The following C20orf203 variants were observed in gnomAD, a reference collection of about 807,000 sequenced individuals.
C20orf203 encodes chromosome 20 open reading frame 203, also known as uncharacterized protein C20orf203.
In C20orf203, 16 loss-of-function variants were observed where a neutral mutation model predicts 15.9. The ratio of observed to expected loss-of-function variants is 1.01; its 90% CI spans 0.68 to 1.53. The LOEUF (loss-of-function observed/expected upper bound fraction) is 1.53, where lower values mean the gene tolerates loss of function less well. Among genes scored for constraint, C20orf203 ranks in the 40% most tolerant of loss-of-function variants. The pLI, the probability that C20orf203 is intolerant of heterozygous loss-of-function variation, is 0.00. For synonymous variants in C20orf203, 98 were observed against 97.2 expected (o/e 1.01, Z -0.05); for missense variants, 263 against 247.5 (o/e 1.06, Z -0.42).
chr20:32,645,091 G>A (rs905376841), intron 4 of C20orf203, among the ~76,000 whole-genome samples: 3 of 152,054 alleles, frequency 2.0e-5, no homozygotes, highest in African/African-American at 7.3e-5. Context: ...GGAATTGGTT[G>A]GGGGGCTAAT....
At chr20:32,659,297 C>T (rs748366037) in intron 1 of C20orf203, among the ~76,000 whole-genome samples, 3 of 152,168 alleles carry the variant, frequency 2.0e-5, no homozygotes, top group Non-Finnish European at 2.9e-5. Flanking sequence ...TGTTTCTGGC[C>T]GTACAATTCA....
intron 5 of C20orf203, among the ~76,000 whole-genome samples, chr20:32,635,938 G>A (rs192014226): frequency 7.2e-5 from 11 of 152,224 alleles, no homozygotes; most frequent in East Asian, 1.9e-4. Context: ...ATGACGTGTC[G>A]TCCTCCCATC....
At chr20:32,651,220 G>C in intron 2 of C20orf203, 54 bp from the exon 3 acceptor site, 1 of 485,504 alleles carries the variant, frequency 2.1e-6, no homozygotes, top group Non-Finnish European at 3.6e-6. Context: ...GCTTGCGCCT[G>C]AGGGTTCAGC....
intron 1 of C20orf203, among the ~76,000 whole-genome samples, chr20:32,671,029 A>C (rs1438267509): frequency 6.7e-6 from 1 of 150,060 alleles, no homozygotes; most frequent in Non-Finnish European, 1.5e-5. Flanking sequence ...AAAAAAAAAA[A>C]CAACAGTGTT....
intron 1 of C20orf203, among the ~76,000 whole-genome samples, chr20:32,666,155 TAAAAAAA>T (rs147487671): frequency 4.9e-5 from 5 of 102,776 alleles, no homozygotes; most frequent in South Asian, 3.6e-4. Context: ...ATAAATAAAG[TAAAAAAA>T]AAAAAAAAAA....
Position 32,666,411 on chromosome 20 carries a change from G to C in C20orf203, c.-264+7221C>G, listed in dbSNP as rs1983026110. On this transcript the variant is annotated intron_variant, in intron 1 of 5. Coordinates refer to ENST00000608990, the MANE Select transcript of C20orf203 (RefSeq NM_182584.4). ...GAGCTCAGGAGGTTGAGGCTGCAGT[G>C]AGCCAAGATCGTGCCACTGCACTCC... 2.6e-5 allele frequency among the ~76,000 whole-genome samples: 4 copies of C among 151,434 alleles called. No homozygotes were observed. In the South Asian group the frequency reaches 8.3e-4, roughly 32 times the overall value.
rs564731743 is a variant in C20orf203 at position 32,672,911 on chromosome 20, T to C, written c.-264+721A>G. On this transcript the variant is annotated intron_variant, in intron 1 of 5. Transcript: ENST00000608990. ...CCCCTGCATCTAAACAGACCCAGCA[T>C]AGGAGAGGGGCCTGGTGAAGATGGC... Among the ~76,000 whole-genome samples the C allele has an allele frequency of 4.6e-5, 7 of 152,186 alleles. No homozygotes were observed. The South Asian group carries it at 1.2e-3, about 27-fold the overall frequency.
intron 1 of C20orf203, among the ~76,000 whole-genome samples, chr20:32,661,484 C>T (rs1982890355): frequency 6.6e-6 from 1 of 152,174 alleles, no homozygotes; most frequent in Non-Finnish European, 1.5e-5. Context: ...AGCCCTGGCC[C>T]TCCAGAAACC....
At chr20:32,653,014 C>T (rs141377946) in intron 1 of C20orf203, among the ~76,000 whole-genome samples, 3,218 of 152,308 alleles carry the variant, frequency 0.021, 125 homozygotes, top group African/African-American at 0.072. Context: ...CAAGCACAGC[C>T]AGCAGCTCCT....
rs1199671453 is a variant in C20orf203 at position 32,650,179 on chromosome 20, C to T, written c.*253G>A. 3 of 500,622 alleles carry T rather than the reference C, an allele frequency of 6.0e-6. No individual in the cohort carries two copies. The highest frequency in any genetic ancestry group is 5.5e-4 in the Middle Eastern group (1 of 1,814). The allele number at this position is 500,622 out of a possible 1,614,324, so 31.0% of individuals were successfully genotyped here. On this transcript the variant is annotated 3_prime_UTR_variant, in exon 4 of 6. Coordinates refer to ENST00000608990, the MANE Select transcript of C20orf203 (RefSeq NM_182584.4). ...AGCTGGACAGGACCAGAGCCTGCCCCGCATGTCCGGCCGGGGTTCTACCCA... is the reference window on the plus strand; with the variant it reads ...AGCTGGACAGGACCAGAGCCTGCCCTGCATGTCCGGCCGGGGTTCTACCCA...
chr20:32,665,410 C>T (rs1433934146), intron 1 of C20orf203, among the ~76,000 whole-genome samples: 1 of 152,224 alleles, frequency 6.6e-6, no homozygotes, highest in Non-Finnish European at 1.5e-5. Context: ...GGAGCCTCCA[C>T]TCCACCCAGG....
At chr20:32,635,281 T>A (rs967554364) in intron 5 of C20orf203, among the ~76,000 whole-genome samples, 2 of 150,842 alleles carry the variant, frequency 1.3e-5, no homozygotes, top group Non-Finnish European at 3.0e-5. Flanking sequence ...AGGCAGATCA[T>A]GAGGTCAGGA....
Position 32,650,490 on chromosome 20 carries a change from G to T in C20orf203, c.527C>A (p.Ala176Glu), listed in dbSNP as rs1415523298. 2 of 1,550,490 alleles carry T rather than the reference G, an allele frequency of 1.3e-6. No homozygotes were observed. The highest frequency in any genetic ancestry group is 3.9e-5 in the Admixed American group (2 of 50,990). ...CLPSLPGKLP[A>E]PLISKQQFLS... Reference sequence around the variant, plus strand: ...AAACTGCTGCTTGCTAATTAAAGGTGCAGGCAACTTGCCTGGCAAGGATGG... The same window carrying T: ...AAACTGCTGCTTGCTAATTAAAGGTTCAGGCAACTTGCCTGGCAAGGATGG... Residue 176 changes from alanine (A) to glutamate (E), a missense_variant, in exon 4 of 6, where the codon GCA becomes GAA. Transcript: ENST00000608990.
chr20:32,641,989 C>G (rs182377939), intron 4 of C20orf203, among the ~76,000 whole-genome samples: 2 of 152,120 alleles, frequency 1.3e-5, no homozygotes, highest in African/African-American at 4.8e-5. Flanking sequence ...AGGCACCAGG[C>G]ACACACCACC....
chr20:32,650,267 C>A lies in C20orf203; in HGVS notation c.*165G>T. 4.9e-6 allele frequency: 3 copies of A among 612,756 alleles called. No homozygotes were observed. The highest frequency in any genetic ancestry group is 8.7e-6 in the Non-Finnish European group (3 of 344,942). 38.0% of individuals were successfully genotyped at this position (612,756 alleles called of 1,614,324 possible). ...TGCTGAATGCCTTGAATACAAGCGC[C>A]GGTGCCCAGAATCTCCTTGAGGTTT... On this transcript the variant is annotated 3_prime_UTR_variant, in exon 4 of 6. Coordinates refer to ENST00000608990, the MANE Select transcript of C20orf203 (RefSeq NM_182584.4).
rs1228861362 is a variant in C20orf203, at chr20:32,633,961, C to T, written c.*1609G>A. 6 of 398,480 alleles carry T rather than the reference C, an allele frequency of 1.5e-5. No individual in the cohort carries two copies. The highest frequency in any genetic ancestry group is 4.1e-5 in the African/African-American group (2 of 48,636). The allele number at this position is 398,480 out of a possible 1,614,324, so 24.7% of individuals were successfully genotyped here. A position where few individuals can be genotyped will look rare whatever the true frequency, so the allele number is the denominator to read the frequency against. On this transcript the variant is annotated 3_prime_UTR_variant, in exon 6 of 6. Transcript: ENST00000608990. ...TGCCTGAGCTTCAGCTTCCCCACTC[C>T]GGACTGTTTCATGCGTTCATTCATG...
At chr20:32,634,634 A>G (rs1982088444) in intron 5 of C20orf203, among the ~76,000 whole-genome samples, 6 of 152,190 alleles carry the variant, frequency 3.9e-5, no homozygotes, top group Admixed American at 3.9e-4. Flanking sequence ...GTGCCCAGCC[A>G]CGAGAAGGGG....
intron 4 of C20orf203, among the ~76,000 whole-genome samples, chr20:32,644,020 G>A (rs181456451): frequency 7.8e-4 from 119 of 152,244 alleles, no homozygotes; most frequent in South Asian, 1.7e-3. Flanking sequence ...GATACCCCAC[G>A]CCCACGACTG....
At chr20:32,635,452 C>T (rs1462482648) in intron 5 of C20orf203, among the ~76,000 whole-genome samples, 1 of 150,322 alleles carries the variant, frequency 6.7e-6, no homozygotes, top group East Asian at 2.0e-4. Context: ...GCCAAGATCG[C>T]ACCACTGCAC....
Sources: allele counts gnomAD v4.1 joint callset (sites outside exome capture counted in the v4.1 genomes callset), GRCh38; gene constraint gnomAD v4.1.1; transcripts MANE v1.5; gene names NCBI Gene and HGNC (gene_info 2026-07-23, HGNC 2026-07-21).